The following ETFA variants were observed in gnomAD, a reference collection of about 807,000 sequenced individuals.
ETFA encodes electron transfer flavoprotein subunit alpha, mitochondrial.
A neutral mutation model predicts 46.2 loss-of-function variants in ETFA; 22 were observed. The ratio of observed to expected loss-of-function variants is 0.48; its 90% confidence interval spans 0.34 to 0.68. The LOEUF is 0.68. Ranked by LOEUF, ETFA falls within the 30% of genes least tolerant of loss-of-function variation. The probability of loss-of-function intolerance (pLI) is 0.01; values close to 1 mark genes in which losing one functional copy is unlikely to be tolerated. For synonymous variants in ETFA, 131 were observed against 139.9 expected (o/e 0.94, Z 0.45); for missense variants, 345 against 401.1 (o/e 0.86, Z 1.19).
intron 9 of ETFA, chr15:76,261,635 T>C (rs1474549209): frequency 8.5e-5 from 34 of 401,934 alleles, no homozygotes; most frequent in Non-Finnish European, 1.3e-5. Flanking sequence ...CAGCCCCAGC[T>C]GCTGTGGCGG....
At chr15:76,239,314 G>A (rs1323831530) in intron 9 of ETFA, among the ~76,000 whole-genome samples, 1 of 152,078 alleles carries the variant, frequency 6.6e-6, no homozygotes, top group African/African-American at 2.4e-5. Context: ...GTGATGTTTT[G>A]ATATAGGTAA....
chr15:76,261,272 T>C (rs2039409566), intron 9 of ETFA: 3 of 1,573,122 alleles, frequency 1.9e-6, no homozygotes, highest in African/African-American at 1.3e-5. Context: ...GCCAGATCTT[T>C]TGGCTCCACT....
intron 9 of ETFA, among the ~76,000 whole-genome samples, chr15:76,269,985 C>T (rs1035687635): frequency 6.6e-6 from 1 of 152,160 alleles, no homozygotes; most frequent in Non-Finnish European, 1.5e-5. Flanking sequence ...GCCAATAATA[C>T]AACGTGCTCA....
At chr15:76,310,086 A>AAAAAAAAAAAAAAAAG (rs2039978914) in intron 1 of ETFA, 1 of 143,182 alleles carries the variant, frequency 7.0e-6, no homozygotes, top group Non-Finnish European at 1.5e-5. Context: ...AAAAAAAAAA[A>AAAAAAAAAAAAAAAAG]AAAAAAAAAA....
chr15:76,239,097 A>G (rs2039157092), intron 9 of ETFA, among the ~76,000 whole-genome samples: 1 of 152,218 alleles, frequency 6.6e-6, no homozygotes, highest in South Asian at 2.1e-4. Flanking sequence ...ACTATGCTGT[A>G]CTTTATACAC....
At chr15:76,236,456 T>G (rs1021509403) in intron 9 of ETFA, among the ~76,000 whole-genome samples, 3 of 152,156 alleles carry the variant, frequency 2.0e-5, no homozygotes, top group Non-Finnish European at 4.4e-5. Context: ...TCCAAAATAA[T>G]CATAGAACAA....
rs2039700204 is a variant in ETFA at position 76,285,817 on chromosome 15, C to T, written c.563-79G>A. On this transcript the variant is annotated intron_variant, in intron 6 of 11. Transcript: ENST00000557943. ...AAGAATTATTTTCAAGAGAAACACA[C>T]AAGTATATAATTCCACGAAATTTAA... 6.4e-6 allele frequency: 6 copies of T among 934,356 alleles called. No homozygotes were observed. The South Asian group carries it at 6.6e-5, about 10-fold the overall frequency. 57.9% of individuals were successfully genotyped at this position (934,356 alleles called of 1,614,324 possible).
intron 11 of ETFA, among the ~76,000 whole-genome samples, chr15:76,225,111 T>C (rs1204732392): frequency 6.6e-6 from 1 of 152,104 alleles, no homozygotes; most frequent in African/African-American, 2.4e-5. Flanking sequence ...TGGATATGGG[T>C]GCCTACTCTC....
intron 8 of ETFA, among the ~76,000 whole-genome samples, chr15:76,278,168 A>G (rs1250765152): frequency 6.6e-6 from 1 of 152,174 alleles, no homozygotes; most frequent in Non-Finnish European, 1.5e-5. Flanking sequence ...ACTCTCCTCC[A>G]GTGAGCTTGC....
chr15:76,274,546 T>C lies in ETFA; in HGVS notation c.734-52A>G, dbSNP rs145013496. On this transcript the variant is annotated intron_variant, in intron 8 of 11. Coordinates refer to ENST00000557943, the MANE Select transcript of ETFA (RefSeq NM_000126.4). ...TTTTCAAGCTCTATTATTCAGCTAG[T>C]TAGGATATTCACTGATAACTGTAAA... 262 of 1,392,636 alleles carry C rather than the reference T, an allele frequency of 1.9e-4. 1 individual carries two copies. The East Asian group carries it at 5.7e-3, about 30-fold the overall frequency. 86.3% of individuals were successfully genotyped at this position (1,392,636 alleles called of 1,614,324 possible). A position where few individuals can be genotyped will look rare whatever the true frequency, so the allele number is the denominator to read the frequency against.
chr15:76,310,631 C>T (rs899976792), intron 1 of ETFA, among the ~76,000 whole-genome samples: 9 of 152,308 alleles, frequency 5.9e-5, no homozygotes, highest in African/African-American at 1.4e-4. Context: ...TAATGAAACA[C>T]TGAAAATGTA....
At chr15:76,238,681 G>C (rs2141470998) in intron 9 of ETFA, among the ~76,000 whole-genome samples, 1 of 152,200 alleles carries the variant, frequency 6.6e-6, no homozygotes, top group East Asian at 1.9e-4. Context: ...TCTTTGGGAA[G>C]TAGATTAACC....
intron 4 of ETFA, among the ~76,000 whole-genome samples, chr15:76,288,587 T>C (rs2039723298): frequency 1.3e-5 from 2 of 151,930 alleles, no homozygotes; most frequent in South Asian, 2.1e-4. Flanking sequence ...ATGCCTGTAG[T>C]CCCAGCTACT....
At chr15:76,224,489 T>C (rs1261674833) in intron 11 of ETFA, among the ~76,000 whole-genome samples, 1 of 152,214 alleles carries the variant, frequency 6.6e-6, no homozygotes, top group Non-Finnish European at 1.5e-5. Flanking sequence ...AGTAATCGGC[T>C]CAAGGGTCCT....
chr15:76,266,508 TA>T (rs1215071353), intron 9 of ETFA, among the ~76,000 whole-genome samples: 2 of 152,240 alleles, frequency 1.3e-5, no homozygotes, highest in Admixed American at 6.5e-5. Flanking sequence ...GAAAAGGCTG[TA>T]AATGCGGCAG....
In ETFA at chr15:76,290,219, T is replaced by G. The variant is rs2039746466; in HGVS notation, c.351+2212A>C. Reference sequence around the variant, plus strand: ...AGATACATGCATGACCATGTTTTCTTGCAGTAAAGTATATAAATGCAAAAA... The same window carrying G: ...AGATACATGCATGACCATGTTTTCTGGCAGTAAAGTATATAAATGCAAAAA... On this transcript the variant is annotated intron_variant, in intron 4 of 11. Transcript: ENST00000557943. Among the ~76,000 whole-genome samples, 2 of 152,030 alleles carry G rather than the reference T, an allele frequency of 1.3e-5. 1 individual carries two copies. The highest frequency in any genetic ancestry group is 4.1e-4 in the South Asian group (2 of 4,832).
intron 9 of ETFA, among the ~76,000 whole-genome samples, chr15:76,249,441 T>C (rs1205455627): frequency 2.9e-5 from 4 of 137,204 alleles, no homozygotes; most frequent in South Asian, 2.5e-4. Flanking sequence ...GGTAATTTTT[T>C]TTTTTTTTTT....
intron 5 of ETFA, 145 bp downstream of exon 5, chr15:76,287,701 C>G: frequency 1.6e-6 from 1 of 626,942 alleles, no homozygotes; most frequent in Non-Finnish European, 2.8e-6. Flanking sequence ...ACCAGCAATT[C>G]TAGACTAAAA....
In ETFA at chr15:76,311,430, G is replaced by C. The variant is rs546128998; in HGVS notation, c.-42C>G. The C allele has an allele frequency of 1.4e-5, 21 of 1,546,542 alleles. No homozygotes were observed. The highest frequency in any genetic ancestry group is 1.7e-5 in the Non-Finnish European group (19 of 1,147,406). On this transcript the variant is annotated 5_prime_UTR_variant, in exon 1 of 12. Transcript: ENST00000557943. ...GCAACCTCGGCCTTACAGCAGCCCC[G>C]TGCCCGGCCAACTGGCGCCGCCTCA...
Sources: allele counts gnomAD v4.1 joint callset (sites outside exome capture counted in the v4.1 genomes callset), GRCh38; gene constraint gnomAD v4.1.1; transcripts MANE v1.5; gene names NCBI Gene and HGNC (gene_info 2026-07-23, HGNC 2026-07-21).